CNIH3: variants seen among roughly 807,000 people sequenced by gnomAD.
The protein encoded by CNIH3 is cornichon family AMPA receptor auxiliary protein 3, also known as protein cornichon homolog 3.
CNIH3 carries 14 observed loss-of-function variants against 24.1 expected under a neutral mutation model. The ratio of observed to expected loss-of-function variants is 0.58; its 90% confidence interval spans 0.38 to 0.91. The LOEUF is 0.91. Ranked by LOEUF, CNIH3 falls within the 40% of genes least tolerant of loss-of-function variation. The pLI, the probability that CNIH3 is intolerant of heterozygous loss-of-function variation, is 0.00. For synonymous variants in CNIH3, 68 were observed against 73.8 expected (o/e 0.92, Z 0.40); for missense variants, 178 against 196.8 (o/e 0.90, Z 0.57).
chr1:224,532,065 G>A (rs541836389), intron 2 of CNIH3, among the ~76,000 whole-genome samples: 42 of 152,244 alleles, frequency 2.8e-4, no homozygotes, highest in African/African-American at 9.6e-4. Flanking sequence ...CAGATCTATA[G>A]TAATAAAGAT....
intron 1 of CNIH3, among the ~76,000 whole-genome samples, chr1:224,621,587 C>G (rs966933322): frequency 6.6e-6 from 1 of 152,132 alleles, no homozygotes; most frequent in Non-Finnish European, 1.5e-5. Context: ...CCAGCCTGCT[C>G]CATCCCCCTT....
In CNIH3 at chr1:224,702,904, G is replaced by A. The variant is rs1210232409; in HGVS notation, c.198+18061G>A. Among the ~76,000 whole-genome samples the A allele has an allele frequency of 2.6e-5, 4 of 152,166 alleles. No individual in the cohort carries two copies. The South Asian group carries it at 8.3e-4, about 32-fold the overall frequency. On this transcript the variant is annotated intron_variant, in intron 3 of 5. Transcript: ENST00000272133. ...GTCCTTGCTGGTCGGGGGAGACTTC[G>A]CTGAGATAGTATCCTCTACCTTTAC...
chr1:224,459,293 A>C (rs1008879995), intron 1 of CNIH3: 1 of 826,946 alleles, frequency 1.2e-6, no homozygotes, highest in African/African-American at 1.8e-5. Flanking sequence ...CAGAGCTGCC[A>C]AAACAGTTCC....
At chr1:224,507,582 C>G (rs1015019407) in intron 1 of CNIH3, among the ~76,000 whole-genome samples, 1 of 152,060 alleles carries the variant, frequency 6.6e-6, no homozygotes, top group African/African-American at 2.4e-5. Flanking sequence ...GCCTGAGGGC[C>G]CATAGTTAAA....
chr1:224,527,095 A>G (rs777432885), intron 2 of CNIH3, among the ~76,000 whole-genome samples: 2 of 152,186 alleles, frequency 1.3e-5, no homozygotes, highest in African/African-American at 2.4e-5. Context: ...CAGCCGAAAC[A>G]GACTAAGACA....
chr1:224,484,150 A>G (rs182031825), intron 1 of CNIH3, among the ~76,000 whole-genome samples: 1,901 of 144,642 alleles, frequency 0.013, 51 homozygotes, highest in African/African-American at 0.044. Context: ...TAGCCTGGGC[A>G]ACAAGAGCAA....
chr1:224,436,100 G>C (rs969475702), intron 1 of CNIH3, among the ~76,000 whole-genome samples: 2 of 152,202 alleles, frequency 1.3e-5, no homozygotes, highest in African/African-American at 4.8e-5. Context: ...GTAAGAGGAA[G>C]GTCAATGCAG....
downstream of CNIH3, among the ~76,000 whole-genome samples, chr1:224,538,737 A>G (rs1174967017): frequency 1.3e-5 from 2 of 150,218 alleles, no homozygotes; most frequent in African/African-American, 2.5e-5. Flanking sequence ...AGAGCTCACC[A>G]TAACCTCTAA....
chr1:224,463,027 A>C (rs1675992610), intron 1 of CNIH3, among the ~76,000 whole-genome samples: 1 of 149,002 alleles, frequency 6.7e-6, no homozygotes, highest in Non-Finnish European at 1.5e-5. Context: ...CCTCCCGAGT[A>C]GCTGGGACTA....
chr1:224,519,511 G>C (rs981977882), intron 1 of CNIH3, among the ~76,000 whole-genome samples: 15 of 151,932 alleles, frequency 9.9e-5, no homozygotes, highest in Non-Finnish European at 1.9e-4. Context: ...CTGTATGCGT[G>C]TATGTGTATG....
chr1:224,730,694 G>C (rs1439417010), intron 4 of CNIH3, 120 bp downstream of exon 4: 9 of 643,850 alleles, frequency 1.4e-5, no homozygotes, highest in Non-Finnish European at 2.2e-5. Flanking sequence ...TTCCTTTCTG[G>C]GTCTCTCTCT....
At chr1:224,686,453 G>A (rs937902320) in intron 3 of CNIH3, among the ~76,000 whole-genome samples, 3 of 152,098 alleles carry the variant, frequency 2.0e-5, no homozygotes, top group Non-Finnish European at 2.9e-5. Context: ...TGTGAATAGT[G>A]CCCCAGTAAA....
At chr1:224,618,478 T>C (rs1683135842) in intron 1 of CNIH3, among the ~76,000 whole-genome samples, 1 of 152,224 alleles carries the variant, frequency 6.6e-6, no homozygotes, top group South Asian at 2.1e-4. Context: ...CCTTGTTTTC[T>C]ATAAGTGGTT....
At chr1:224,650,074 G>A (rs1050017707) in intron 1 of CNIH3, among the ~76,000 whole-genome samples, 13 of 152,162 alleles carry the variant, frequency 8.5e-5, no homozygotes, top group African/African-American at 2.9e-4. Context: ...CCTCAGGCAC[G>A]AAGTGTTGTG....
At chr1:224,548,854 C>A (rs969297908) in intron 3 of CNIH3, among the ~76,000 whole-genome samples, 2 of 151,780 alleles carry the variant, frequency 1.3e-5, no homozygotes, top group Non-Finnish European at 2.9e-5. Flanking sequence ...TGTGTGTATA[C>A]CCTGGGACGT....
intron 3 of CNIH3, among the ~76,000 whole-genome samples, chr1:224,706,320 T>C (rs547537553): frequency 6.6e-6 from 1 of 152,294 alleles, no homozygotes; most frequent in South Asian, 2.1e-4. Flanking sequence ...CTTTACTTAC[T>C]GTCTCCACAG....
intron 3 of CNIH3, among the ~76,000 whole-genome samples, chr1:224,691,419 C>A (rs1396159507): frequency 1.3e-5 from 2 of 152,198 alleles, no homozygotes; most frequent in Non-Finnish European, 2.9e-5. Context: ...GCAAAGTGGG[C>A]AGGCGTGGGA....
intron 1 of CNIH3, among the ~76,000 whole-genome samples, chr1:224,499,037 G>A (rs1304905785): frequency 1.3e-5 from 2 of 152,228 alleles, no homozygotes. Flanking sequence ...CTCCGGGAAG[G>A]GGTGCTGGGA....
At chr1:224,690,393 G>A (rs917918152) in intron 3 of CNIH3, among the ~76,000 whole-genome samples, 2 of 152,034 alleles carry the variant, frequency 1.3e-5, no homozygotes, top group African/African-American at 2.4e-5. Flanking sequence ...TAGAGATGAG[G>A]TTATGCCATG....
Sources: gnomAD v4.1 joint callset for allele counts (sites outside exome capture counted in the v4.1 genomes callset) on GRCh38, gnomAD v4.1.1 for gene constraint, MANE v1.5 for transcripts, NCBI Gene and HGNC (gene_info 2026-07-23, HGNC 2026-07-21) for gene names.